The following MARCKSL1 variants were observed in gnomAD, a reference collection of about 807,000 sequenced individuals.
The protein encoded by MARCKSL1 is MARCKS-related protein.
A neutral mutation model predicts 13.3 loss-of-function variants in MARCKSL1; 5 were observed. The observed-to-expected ratio is 0.38, with a 90% confidence interval of 0.20 to 0.79. MARCKSL1 has a LOEUF of 0.79. MARCKSL1 is among the 30% of genes least tolerant of loss of function. MARCKSL1 has a pLI of 0.45. For synonymous variants in MARCKSL1, 126 were observed against 103.2 expected, an observed-to-expected ratio of 1.22 and a Z score of -1.34; for missense variants, 274 against 251.6, an observed-to-expected ratio of 1.09 and a Z score of -0.60.
At position 32,335,059 on chromosome 1, in the gene MARCKSL1, G is replaced by A. The variant is rs1570048774; in HGVS notation, c.126C>T (p.Pro42=). The change falls in exon 2 of 2, where the codon CCC becomes CCT. Residue 42 remains proline (P), a synonymous_variant. Coordinates refer to ENST00000329421, the MANE Select transcript of MARCKSL1 (RefSeq NM_023009.7). This position sits in a 1 kb window ranked among gnomAD's most constrained non-coding sequence, Gnocchi z 4.1. The stretch of plus-strand genomic sequence containing the variant: ...CAGGGGGCGACTCCCCTTCACCCTT[G>A]GGGGATAAGTCTCCATTGCTTTTCA... ...GHVKSNGDLS[P]KGEGESPPVN... is the part of the protein sequence containing the mutation. 4.5e-6 allele frequency: 7 copies of A among 1,545,726 alleles called. No homozygotes were observed. The highest frequency in any genetic ancestry group is 6.1e-6 in the Non-Finnish European group (7 of 1,148,114).
At position 32,335,544 on chromosome 1, in the gene MARCKSL1, G is replaced by C. The variant is rs1343659992; in HGVS notation, c.87+403C>G. On this transcript the variant is annotated intron_variant, in intron 1 of 1. Transcript: ENST00000329421. This position sits in a 1 kb window ranked among gnomAD's most constrained non-coding sequence, Gnocchi z 4.1. Reference sequence around the variant, plus strand: ...CCCACCCCAGGCTCTCCCGCATCTCGGCTCCCCCTTAAAAAAAAAAAGACC... The same window carrying C: ...CCCACCCCAGGCTCTCCCGCATCTCCGCTCCCCCTTAAAAAAAAAAAGACC... 1.3e-5 allele frequency among the ~76,000 whole-genome samples: 2 copies of C among 150,888 alleles called. No homozygotes were observed. Among genetic ancestry groups the C allele is most frequent in the Non-Finnish European group, 3.0e-5 (2 of 67,564 alleles).
Position 32,334,629 on chromosome 1 carries a change from G to T in MARCKSL1, c.556C>A (p.Pro186Thr). The T allele has an allele frequency of 1.9e-6, 3 of 1,590,098 alleles. No homozygotes were observed. The highest frequency in any genetic ancestry group is 2.6e-6 in the Non-Finnish European group (3 of 1,168,414). ...TTCTGCTCAGCGCTGGCTGGTGTAG[G>T]GCCACTCTCCGGCCCCGAGGGAGTG... Reference protein sequence around the residue: ...PSTPSGPESGPTPASAEQNE With the variant: ...PSTPSGPESGTTPASAEQNE Residue 186 changes from proline (P) to threonine (T), a missense_variant, in exon 2 of 2, where the codon CCT becomes ACT. By Grantham distance (38) the Pro-to-Thr change is conservative. Coordinates refer to ENST00000329421, the MANE Select transcript of MARCKSL1 (RefSeq NM_023009.7).
At position 32,335,039 on chromosome 1, in the gene MARCKSL1, G is replaced by A. The variant is rs144924064; in HGVS notation, c.146C>T (p.Pro49Leu). The change falls in exon 2 of 2, where the codon CCC (proline) becomes CTC (leucine). Residue 49 changes from proline (P) to leucine (L), a missense_variant. Coordinates refer to ENST00000329421, the MANE Select transcript of MARCKSL1 (RefSeq NM_023009.7). This position sits in a 1 kb window ranked among gnomAD's most constrained non-coding sequence, Gnocchi z 4.1. ...TGCCTCATCTGTTCCGTTCACAGGG[G>A]GCGACTCCCCTTCACCCTTGGGGGA... Reference protein sequence around the residue: ...DLSPKGEGESPPVNGTDEAAG... With the variant: ...DLSPKGEGESLPVNGTDEAAG... 403 of 1,569,186 alleles carry A rather than the reference G, an allele frequency of 2.6e-4. 2 individuals are homozygous for A. In the Middle Eastern group the frequency reaches 3.1e-3, roughly 12 times the overall value.
At position 32,335,354 on chromosome 1, in the gene MARCKSL1, CG is replaced by C. The variant is rs1214027257; in HGVS notation, c.88-258del. 2.6e-5 allele frequency among the ~76,000 whole-genome samples: 4 copies of C among 151,570 alleles called. No homozygotes were observed. The highest frequency in any genetic ancestry group is 5.9e-5 in the Non-Finnish European group (4 of 67,670). On this transcript the variant is annotated intron_variant, in intron 1 of 1. Coordinates refer to ENST00000329421, the MANE Select transcript of MARCKSL1 (RefSeq NM_023009.7). This position sits in a 1 kb window ranked among gnomAD's most constrained non-coding sequence, Gnocchi z 4.1. ...GCCCCCACCCCCGTCCCCCGGGGCG[CG>C]CTCTCTATTCCGCGCGGAACCGCTC...
rs200773479 is a variant in MARCKSL1 at position 32,334,522 on chromosome 1, C to T, written c.*75G>A. 69 of 1,440,980 alleles carry T rather than the reference C, an allele frequency of 4.8e-5. No homozygotes were observed. The highest frequency in any genetic ancestry group is 1.6e-4 in the Admixed American group (6 of 38,542). 89.3% of individuals were successfully genotyped at this position (1,440,980 alleles called of 1,614,324 possible). A position where few individuals can be genotyped will look rare whatever the true frequency, so the allele number is the denominator to read the frequency against. ...TGGGCACAGGAAGGCAGCCAGGGCA[C>T]CAGGTCCAGGCAGTGACCTCACAAG... is the stretch of plus-strand genomic sequence containing the variant. On this transcript the variant is annotated 3_prime_UTR_variant, in exon 2 of 2. Transcript: ENST00000329421.
Position 32,334,662 on chromosome 1 carries a change from C to T in MARCKSL1, c.523G>A (p.Glu175Lys), listed in dbSNP as rs1557615722. 6.2e-6 allele frequency: 10 copies of T among 1,610,600 alleles called. No homozygotes were observed. Among genetic ancestry groups the T allele is most frequent in the Non-Finnish European group, 8.5e-6 (10 of 1,178,612 alleles). Reference protein sequence around the residue: ...SEEEAGPQATEPSTPSGPESG... With the variant: ...SEEEAGPQATKPSTPSGPESG... ...TCCGGCCCCGAGGGAGTGGATGGCT[C>T]TGTAGCCTGGGGCCCTGCCTCTTCT... Residue 175 changes from glutamate (E) to lysine (K), a missense_variant, in exon 2 of 2, where the codon GAG becomes AAG. Glu to Lys is a moderately conservative substitution (Grantham distance 56, BLOSUM62 1). Transcript: ENST00000329421.
At position 32,336,136 on chromosome 1, in the gene MARCKSL1, C is replaced by A. The variant is rs1349585312; in HGVS notation, c.-103G>T. 4 of 148,544 alleles carry A rather than the reference C, an allele frequency of 2.7e-5. No homozygotes were observed. The highest frequency in any genetic ancestry group is 5.3e-5 in the Non-Finnish European group (4 of 75,216). The allele number at this position is 148,544 out of a possible 1,614,324, so 9.2% of individuals were successfully genotyped here. On this transcript the variant is annotated 5_prime_UTR_variant, in exon 1 of 2. Transcript: ENST00000329421. ...CCGGCGGAGGGGTGGGGCTGGCGCC[C>A]GAGGGGGAGGGGTGCCGGGGGAAGC...
chr1:32,335,205 A>AAGTCTACTTCTAACTG lies in MARCKSL1; in HGVS notation c.88-109_88-108insCAGTTAGAAGTAGACT. The AAGTCTACTTCTAACTG allele has an allele frequency of 8.2e-7, 1 of 1,225,774 alleles. No individual in the cohort carries two copies. Among genetic ancestry groups the AAGTCTACTTCTAACTG allele is most frequent in the Non-Finnish European group, 1.1e-6 (1 of 939,670 alleles). 75.9% of individuals were successfully genotyped at this position (1,225,774 alleles called of 1,614,324 possible). ...CTCGATTCGATTCTACTGCAACCCG[A>AAGTCTACTTCTAACTG]AAGTCTGGCTTCAGCCTCACCCACA... On this transcript the variant is annotated intron_variant, in intron 1 of 1. Coordinates refer to ENST00000329421, the MANE Select transcript of MARCKSL1 (RefSeq NM_023009.7). The surrounding 1 kb of genome is among the most constrained non-coding windows in gnomAD (Gnocchi z 4.1).
chr1:32,335,143 C>A lies in MARCKSL1; in HGVS notation c.88-46G>T, dbSNP rs1464778356. The A allele has an allele frequency of 2.7e-6, 4 of 1,495,534 alleles. No homozygotes were observed. The highest frequency in any genetic ancestry group is 3.6e-6 in the Non-Finnish European group (4 of 1,123,968). The allele number at this position is 1,495,534 out of a possible 1,614,324, so 92.6% of individuals were successfully genotyped here. A position where few individuals can be genotyped will look rare whatever the true frequency, so the allele number is the denominator to read the frequency against. ...CAATGAGGGCAGGGGCTCCCCCTCC[C>A]CCAGCCCGCTTCTGATCCCTTCTAG... On this transcript the variant is annotated intron_variant, in intron 1 of 1. Coordinates refer to ENST00000329421, the MANE Select transcript of MARCKSL1 (RefSeq NM_023009.7). This position sits in a 1 kb window ranked among gnomAD's most constrained non-coding sequence, Gnocchi z 4.1.
rs566869332 is a variant in MARCKSL1 at position 32,334,092 on chromosome 1, G to A, written c.*505C>T. Reference sequence around the variant, plus strand: ...TCACAGGCTGGAGGTTTGAACTTGAGTAAGACATTTATAAAAACCTAGACG... The same window carrying A: ...TCACAGGCTGGAGGTTTGAACTTGAATAAGACATTTATAAAAACCTAGACG... On this transcript the variant is annotated 3_prime_UTR_variant, in exon 2 of 2. Coordinates refer to ENST00000329421, the MANE Select transcript of MARCKSL1 (RefSeq NM_023009.7). 1 of 153,264 alleles carries A rather than the reference G, an allele frequency of 6.5e-6. No homozygotes were observed. Among genetic ancestry groups the A allele is most frequent in the Non-Finnish European group, 1.5e-5 (1 of 68,522 alleles). 9.5% of individuals were successfully genotyped at this position (153,264 alleles called of 1,614,324 possible). A position where few individuals can be genotyped will look rare whatever the true frequency, so the allele number is the denominator to read the frequency against.
In MARCKSL1 at chr1:32,335,186, T is replaced by TA; in HGVS notation, c.88-90_88-89insT. ...CCTTCTAGAGGAAGGGGTCCTCGAT[T>TA]CGATTCTACTGCAACCCGAAAGTCT... On this transcript the variant is annotated intron_variant, in intron 1 of 1. Coordinates refer to ENST00000329421, the MANE Select transcript of MARCKSL1 (RefSeq NM_023009.7). This position sits in a 1 kb window ranked among gnomAD's most constrained non-coding sequence, Gnocchi z 4.1. 1 of 1,329,118 alleles carries TA rather than the reference T, an allele frequency of 7.5e-7. No individual in the cohort carries two copies. The highest frequency in any genetic ancestry group is 2.7e-5 in the East Asian group (1 of 37,476). The allele number at this position is 1,329,118 out of a possible 1,614,324, so 82.3% of individuals were successfully genotyped here. A position where few individuals can be genotyped will look rare whatever the true frequency, so the allele number is the denominator to read the frequency against.
At position 32,335,837 on chromosome 1, in the gene MARCKSL1, C is replaced by A. The variant is rs1641382506; in HGVS notation, c.87+110G>T. 1 of 467,450 alleles carries A rather than the reference C, an allele frequency of 2.1e-6. No homozygotes were observed. Among genetic ancestry groups the A allele is most frequent in the African/African-American group, 2.1e-5 (1 of 48,554 alleles). 29.0% of individuals were successfully genotyped at this position (467,450 alleles called of 1,614,324 possible). On this transcript the variant is annotated intron_variant, in intron 1 of 1. Transcript: ENST00000329421. This position sits in a 1 kb window ranked among gnomAD's most constrained non-coding sequence, Gnocchi z 4.1. ...AAGGGACCGGGCGGGGGAGGGGGCG[C>A]CGCGTGTCCCGGGCCGGACAAAGCG...
In MARCKSL1 at chr1:32,336,081, G is replaced by A; in HGVS notation, c.-48C>T. 1.7e-6 allele frequency: 2 copies of A among 1,156,642 alleles called. No individual in the cohort carries two copies. The highest frequency in any genetic ancestry group is 2.2e-6 in the Non-Finnish European group (2 of 904,978). 71.6% of individuals were successfully genotyped at this position (1,156,642 alleles called of 1,614,324 possible). A position where few individuals can be genotyped will look rare whatever the true frequency, so the allele number is the denominator to read the frequency against. On this transcript the variant is annotated 5_prime_UTR_variant, in exon 1 of 2. Coordinates refer to ENST00000329421, the MANE Select transcript of MARCKSL1 (RefSeq NM_023009.7). ...CTTGGAGCCGCCCCGGGCTCGCGCC[G>A]CAGGGGATAGTACGGCGGGGTCGGC... is the stretch of plus-strand genomic sequence containing the variant.
chr1:32,334,243 A>G lies in MARCKSL1; in HGVS notation c.*354T>C. The G allele has an allele frequency of 5.2e-6, 1 of 192,428 alleles. No individual in the cohort carries two copies. The highest frequency in any genetic ancestry group is 1.3e-4 in the East Asian group (1 of 7,606). 11.9% of individuals were successfully genotyped at this position (192,428 alleles called of 1,614,324 possible). On this transcript the variant is annotated 3_prime_UTR_variant, in exon 2 of 2. Transcript: ENST00000329421. ...CCACTTCTGGCTCAGGGATTTGGGG[A>G]GTAGGGTAAACAAAACCTACTTGGA...
Position 32,334,637 on chromosome 1 carries a change from T to C in MARCKSL1, c.548A>G (p.Glu183Gly). ...ATEPSTPSGP[E>G]SGPTPASAEQ... Reference sequence around the variant, plus strand: ...AGCGCTGGCTGGTGTAGGGCCACTCTCCGGCCCCGAGGGAGTGGATGGCTC... The same window carrying C: ...AGCGCTGGCTGGTGTAGGGCCACTCCCCGGCCCCGAGGGAGTGGATGGCTC... The change falls in exon 2 of 2, where the codon GAG (glutamate) becomes GGG (glycine). Residue 183 changes from glutamate (E) to glycine (G), a missense_variant. Coordinates refer to ENST00000329421, the MANE Select transcript of MARCKSL1 (RefSeq NM_023009.7). 6.3e-7 allele frequency: 1 copy of C among 1,596,596 alleles called. No homozygotes were observed.
chr1:32,334,555 C>G lies in MARCKSL1; in HGVS notation c.*42G>C. 3.3e-6 allele frequency: 5 copies of G among 1,505,732 alleles called. No individual in the cohort carries two copies. The highest frequency in any genetic ancestry group is 4.4e-6 in the Non-Finnish European group (5 of 1,127,976). 93.3% of individuals were successfully genotyped at this position (1,505,732 alleles called of 1,614,324 possible). On this transcript the variant is annotated 3_prime_UTR_variant, in exon 2 of 2. Coordinates refer to ENST00000329421, the MANE Select transcript of MARCKSL1 (RefSeq NM_023009.7). ...AGGCAGTGACCTCACAAGGACAGCA[C>G]AGTTTTTGCAGCTTAGAGATCACCC...
rs1322951140 is a variant in MARCKSL1 at position 32,334,734 on chromosome 1, T to G, written c.451A>C (p.Ser151Arg). Residue 151 changes from serine (S) to arginine (R), a missense_variant, in exon 2 of 2, where the codon AGC becomes CGC. Coordinates refer to ENST00000329421, the MANE Select transcript of MARCKSL1 (RefSeq NM_023009.7). ...QEGKAAATPE[S>R]QEPQAKGAEA... ...GCCCCCTTGGCCTGGGGTTCCTGGCTCTCAGGGGTGGCTGCGGCCTTCCCT... is the reference window on the plus strand; with the variant it reads ...GCCCCCTTGGCCTGGGGTTCCTGGCGCTCAGGGGTGGCTGCGGCCTTCCCT... The G allele has an allele frequency of 1.2e-6, 2 of 1,612,340 alleles. No homozygotes were observed. The highest frequency in any genetic ancestry group is 2.2e-5 in the South Asian group (2 of 90,996).
In MARCKSL1 at chr1:32,335,124, G is replaced by C. The variant is rs1197850670; in HGVS notation, c.88-27C>G. 6.6e-7 allele frequency: 1 copy of C among 1,505,352 alleles called. No individual in the cohort carries two copies. The highest frequency in any genetic ancestry group is 8.9e-7 in the Non-Finnish European group (1 of 1,128,196). The allele number at this position is 1,505,352 out of a possible 1,614,324, so 93.2% of individuals were successfully genotyped here. ...TGCAGGGCAGAGGGAATAGCAATGA[G>C]GGCAGGGGCTCCCCCTCCCCCAGCC... On this transcript the variant is annotated intron_variant, in intron 1 of 1. Coordinates refer to ENST00000329421, the MANE Select transcript of MARCKSL1 (RefSeq NM_023009.7). The surrounding 1 kb of genome is among the most constrained non-coding windows in gnomAD (Gnocchi z 4.1).
rs753599999 is a variant in MARCKSL1, at chr1:32,336,066, C to T, written c.-33G>A. 8.0e-7 allele frequency: 1 copy of T among 1,246,088 alleles called. No homozygotes were observed. Among genetic ancestry groups the T allele is most frequent in the African/African-American group, 1.5e-5 (1 of 64,738 alleles). The allele number at this position is 1,246,088 out of a possible 1,614,324, so 77.2% of individuals were successfully genotyped here. A position where few individuals can be genotyped will look rare whatever the true frequency, so the allele number is the denominator to read the frequency against. On this transcript the variant is annotated 5_prime_UTR_variant, in exon 1 of 2. Coordinates refer to ENST00000329421, the MANE Select transcript of MARCKSL1 (RefSeq NM_023009.7). Reference sequence around the variant, plus strand: ...GTCTGCTGGGGGGCGCTTGGAGCCGCCCCGGGCTCGCGCCGCAGGGGATAG... The same window carrying T: ...GTCTGCTGGGGGGCGCTTGGAGCCGTCCCGGGCTCGCGCCGCAGGGGATAG...
Sources: gnomAD v4.1 joint callset for allele counts (sites outside exome capture counted in the v4.1 genomes callset) on GRCh38, gnomAD v4.1.1 for gene constraint, Gnocchi (gnomAD v3.1) non-coding constraint, MANE v1.5 for transcripts, NCBI Gene and HGNC (gene_info 2026-07-23, HGNC 2026-07-21) for gene names.